The following CCSER1 variants were observed in gnomAD, a reference collection of about 807,000 sequenced individuals.
CCSER1 encodes the protein coiled-coil serine rich protein 1, also known as serine-rich coiled-coil domain-containing protein 1.
Under a neutral mutation model 82.0 loss-of-function variants are expected in CCSER1, and 41 were observed. The observed-to-expected ratio is 0.50, with a 90% CI of 0.39 to 0.65. The LOEUF is 0.65. Among genes scored for constraint, CCSER1 ranks in the 30% least tolerant of loss-of-function variants. The pLI, the probability that CCSER1 is intolerant of heterozygous loss-of-function variation, is 0.00. For synonymous variants in CCSER1, 414 were observed against 383.9 expected (o/e 1.08, Z -0.92); for missense variants, 1,119 against 1,064.2 (o/e 1.05, Z -0.72).
chr4:90,794,204 T>G (rs983144579), intron 7 of CCSER1, among the ~76,000 whole-genome samples: 4 of 152,238 alleles, frequency 2.6e-5, no homozygotes, highest in Non-Finnish European at 5.9e-5. Flanking sequence ...TTGTTGTAAT[T>G]GCTTTTGGTG....
chr4:90,960,707 T>C (rs902357653), intron 9 of CCSER1, among the ~76,000 whole-genome samples: 1 of 152,188 alleles, frequency 6.6e-6, no homozygotes, highest in African/African-American at 2.4e-5. Context: ...ATTCTGTTTA[T>C]GGAACCGCTG....
rs76862295 is a variant in CCSER1, at chr4:91,568,366, G to C, written c.2218-30206G>C. ...GTGTAGAATCTTGCAGAGATTCTCT[G>C]TATTTCCTGAATTTGACTGTTGGCC... On this transcript the variant is annotated intron_variant, in intron 10 of 10. Coordinates refer to ENST00000509176, the MANE Select transcript of CCSER1 (RefSeq NM_001145065.2). 4.0e-3 allele frequency among the ~76,000 whole-genome samples: 613 copies of C among 152,078 alleles called. 1 individual carries two copies. The highest frequency in any genetic ancestry group is 7.2e-3 in the Non-Finnish European group (488 of 67,996).
At chr4:90,408,486 G>C (rs1754115504) in intron 4 of CCSER1, among the ~76,000 whole-genome samples, 1 of 152,212 alleles carries the variant, frequency 6.6e-6, no homozygotes, top group African/African-American at 2.4e-5. Context: ...AATATCCACT[G>C]TTCTGCAGCC....
At chr4:90,244,077 A>G (rs1720959853) in intron 1 of CCSER1, among the ~76,000 whole-genome samples, 1 of 152,162 alleles carries the variant, frequency 6.6e-6, no homozygotes, top group African/African-American at 2.4e-5. Flanking sequence ...TTTGAGGATT[A>G]TTTATCATAC....
At chr4:90,201,707 G>A (rs954018893) in intron 1 of CCSER1, among the ~76,000 whole-genome samples, 3 of 152,046 alleles carry the variant, frequency 2.0e-5, no homozygotes, top group African/African-American at 7.2e-5. Flanking sequence ...GTATTGAACA[G>A]TTCAGGATAA....
intron 10 of CCSER1, among the ~76,000 whole-genome samples, chr4:91,337,539 T>G (rs184874188): frequency 6.6e-6 from 1 of 152,252 alleles, no homozygotes; most frequent in African/African-American, 2.4e-5. Flanking sequence ...GACTGCAGCT[T>G]CTTTACGTAA....
At chr4:91,202,290 A>G (rs1735964787) in intron 10 of CCSER1, among the ~76,000 whole-genome samples, 1 of 151,950 alleles carries the variant, frequency 6.6e-6, no homozygotes, top group South Asian at 2.1e-4. Context: ...CCCCATTTGC[A>G]TGGTGCAAGA....
intron 5 of CCSER1, among the ~76,000 whole-genome samples, chr4:90,575,627 A>C (rs913508438): frequency 3.3e-5 from 5 of 152,346 alleles, no homozygotes; most frequent in Non-Finnish European, 7.3e-5. Context: ...AATGTTACAC[A>C]AGCCTCTATG....
chr4:91,464,167 T>C lies in CCSER1; in HGVS notation c.2218-134405T>C, dbSNP rs1756705058. Among the ~76,000 whole-genome samples, 14 of 151,748 alleles carry C rather than the reference T, an allele frequency of 9.2e-5. No homozygotes were observed. In the South Asian group the frequency reaches 2.9e-3, roughly 32 times the overall value. Reference sequence around the variant, plus strand: ...TAACAGCGGATCTCTCAGCAGAAACTCTACAAGCCAGAAGAGAGTGGGGGC... The same window carrying C: ...TAACAGCGGATCTCTCAGCAGAAACCCTACAAGCCAGAAGAGAGTGGGGGC... On this transcript the variant is annotated intron_variant, in intron 10 of 10. Coordinates refer to ENST00000509176, the MANE Select transcript of CCSER1 (RefSeq NM_001145065.2).
intron 6 of CCSER1, among the ~76,000 whole-genome samples, chr4:90,683,328 T>TA: frequency 6.6e-6 from 1 of 152,092 alleles, no homozygotes; most frequent in Admixed American, 6.6e-5. Flanking sequence ...CTTTCTCTTC[T>TA]AGTCATTGTA....
At chr4:91,065,027 C>T (rs1720658536) in intron 9 of CCSER1, among the ~76,000 whole-genome samples, 1 of 151,350 alleles carries the variant, frequency 6.6e-6, no homozygotes, top group Non-Finnish European at 1.5e-5. Context: ...AACTCAGGAA[C>T]ACACATGTAT....
At chr4:91,359,960 A>G (rs1055791280) in intron 10 of CCSER1, among the ~76,000 whole-genome samples, 1 of 151,852 alleles carries the variant, frequency 6.6e-6, no homozygotes. Context: ...ACAGATATTA[A>G]GGTGAGGGTC....
rs935467233 is a variant in CCSER1 at position 90,499,018 on chromosome 4, C to G, written c.1724+30664C>G. 5.3e-5 allele frequency among the ~76,000 whole-genome samples: 8 copies of G among 151,966 alleles called. No individual in the cohort carries two copies. In the East Asian group the frequency reaches 1.4e-3, roughly 26 times the overall value. On this transcript the variant is annotated intron_variant, in intron 5 of 10. Transcript: ENST00000509176. ...GTTGATTATGTAATAAATATTGAAG[C>G]CCTAATTAATTATTTGGAAATCTTT... is the stretch of plus-strand genomic sequence containing the variant.
intron 3 of CCSER1, among the ~76,000 whole-genome samples, chr4:90,383,683 C>CT (rs766474464): frequency 6.6e-6 from 1 of 151,968 alleles, no homozygotes; most frequent in African/African-American, 2.4e-5. Context: ...GGTTCAGCCA[C>CT]TTACTTGTGT....
At chr4:90,815,631 C>T (rs1758909587) in intron 7 of CCSER1, 131 bp from the exon 8 acceptor site, 2 of 567,800 alleles carry the variant, frequency 3.5e-6, no homozygotes, top group Non-Finnish European at 3.0e-6. Flanking sequence ...TGAAAAATAT[C>T]ATACTATAGA....
chr4:90,723,368 AG>A (rs912241083), intron 6 of CCSER1, among the ~76,000 whole-genome samples: 16 of 152,044 alleles, frequency 1.1e-4, no homozygotes, highest in African/African-American at 3.9e-4. Context: ...TTTGTTTAGC[AG>A]AATAAAAGAA....
intron 7 of CCSER1, among the ~76,000 whole-genome samples, chr4:90,805,151 A>G (rs1272452638): frequency 6.6e-6 from 1 of 152,230 alleles, no homozygotes; most frequent in East Asian, 1.9e-4. Flanking sequence ...GCTTAAAACT[A>G]TAATTTTATT....
chr4:90,840,243 G>T (rs572370608), intron 8 of CCSER1, among the ~76,000 whole-genome samples: 2 of 152,186 alleles, frequency 1.3e-5, no homozygotes, highest in East Asian at 1.9e-4. Context: ...ATGTGTGTGG[G>T]TGGAGAAGAA....
intron 4 of CCSER1, among the ~76,000 whole-genome samples, chr4:90,447,612 AAATTCC>A (rs1208937441): frequency 3.9e-5 from 6 of 152,348 alleles, no homozygotes; most frequent in Non-Finnish European, 8.8e-5. Context: ...ATTAGACTAT[AAATTCC>A]AGGCAGATTA....
Sources: allele counts gnomAD v4.1 joint callset (sites outside exome capture counted in the v4.1 genomes callset), GRCh38; gene constraint gnomAD v4.1.1; transcripts MANE v1.5; gene names NCBI Gene and HGNC (gene_info 2026-07-23, HGNC 2026-07-21).